HSPA4L: variants seen among roughly 807,000 people sequenced by gnomAD.
The protein encoded by HSPA4L is heat shock 70 kDa protein 4L.
Under a neutral mutation model 100.3 loss-of-function variants are expected in HSPA4L, and 48 were observed. The ratio of observed to expected loss-of-function variants is 0.48; its 90% CI spans 0.38 to 0.61. The LOEUF (loss-of-function observed/expected upper bound fraction) is 0.61. Ranked by LOEUF, HSPA4L falls within the 20% of genes least tolerant of loss-of-function variation. The probability of loss-of-function intolerance (pLI) is 0.00; values close to 1 mark genes in which losing one functional copy is unlikely to be tolerated. For synonymous variants in HSPA4L, 319 were observed against 328.2 expected, an observed-to-expected ratio of 0.97 and a Z score of 0.30; for missense variants, 886 against 988.6, an observed-to-expected ratio of 0.90 and a Z score of 1.39.
intron 16 of HSPA4L, among the ~76,000 whole-genome samples, chr4:127,827,010 TC>T (rs529414073): frequency 4.9e-4 from 74 of 152,290 alleles, no homozygotes; most frequent in African/African-American, 1.6e-3. Flanking sequence ...TTTTAATAGT[TC>T]TATAAAGTTT....
chr4:127,805,368 T>C (rs1351961836), intron 9 of HSPA4L, 144 bp downstream of exon 9: 1 of 628,090 alleles, frequency 1.6e-6, no homozygotes. Flanking sequence ...ATAAGTCTTA[T>C]GTCTTTCCCA....
At chr4:127,825,926 C>CAAAAAAAA (rs78623521) in intron 16 of HSPA4L, among the ~76,000 whole-genome samples, 3 of 57,190 alleles carry the variant, frequency 5.2e-5, no homozygotes, top group African/African-American at 7.1e-5. Context: ...AACTCCATCT[C>CAAAAAAAA]AAAAAAAAAA....
Position 127,840,541 on chromosome 4 carries a change from G to T in HSPA4L, c.*7667G>T, listed in dbSNP as rs1482668859. Reference sequence around the variant, plus strand: ...TAGGAATATGTATTTGTCAATTTTAGTTCACAAACATATCCATAAGAATGT... The same window carrying T: ...TAGGAATATGTATTTGTCAATTTTATTTCACAAACATATCCATAAGAATGT... On this transcript the variant is annotated 3_prime_UTR_variant, in exon 19 of 19. Transcript: ENST00000296464. 6.6e-6 allele frequency: 1 copy of T among 152,152 alleles called. No homozygotes were observed. Among genetic ancestry groups the T allele is most frequent in the African/African-American group, 2.4e-5 (1 of 41,442 alleles). 9.4% of individuals were successfully genotyped at this position (152,152 alleles called of 1,614,324 possible).
At chr4:127,790,279 T>G (rs1017004531) in intron 1 of HSPA4L, among the ~76,000 whole-genome samples, 1 of 152,122 alleles carries the variant, frequency 6.6e-6, no homozygotes, top group Non-Finnish European at 1.5e-5. Context: ...TATTGAAAAA[T>G]TAGAAGTATT....
In HSPA4L at chr4:127,822,792, G is replaced by A; in HGVS notation, c.1836G>A (p.Lys612=). 1 of 1,613,760 alleles carries A rather than the reference G, an allele frequency of 6.2e-7. No homozygotes were observed. The highest frequency in any genetic ancestry group is 1.1e-5 in the South Asian group (1 of 91,068). ...ENEGKMIMQD[K]LEKERNDAKN... The stretch of plus-strand genomic sequence containing the variant: ...AGGGGAAGATGATCATGCAAGATAA[G>A]TTAGAGAAAGAAAGAAATGATGCTA... Residue 612 remains lysine (K), a synonymous_variant, in exon 15 of 19, where the codon AAG becomes AAA. Transcript: ENST00000296464.
At position 127,803,821 on chromosome 4, in the gene HSPA4L, T is replaced by C. The variant is rs769525106; in HGVS notation, c.856T>C (p.Leu286=). The C allele has an allele frequency of 1.1e-5, 17 of 1,613,812 alleles. No individual in the cohort carries two copies. Among genetic ancestry groups the C allele is most frequent in the Admixed American group, 3.3e-5 (2 of 59,974 alleles). The change falls in exon 7 of 19, where the codon TTG becomes CTG. Residue 286 remains leucine (L), a synonymous_variant. Transcript: ENST00000296464. The part of the protein sequence containing the change: ...LMSANASDLP[L]NIECFMNDLD... Reference sequence around the variant, plus strand: ...GAGTGCAAATGCATCAGATCTTCCATTGAACATTGAGTGTTTCATGAATGA... The same window carrying C: ...GAGTGCAAATGCATCAGATCTTCCACTGAACATTGAGTGTTTCATGAATGA...
chr4:127,818,242 C>A, intron 12 of HSPA4L, 83 bp from the exon 13 acceptor site: 1 of 874,996 alleles, frequency 1.1e-6, no homozygotes, highest in Non-Finnish European at 1.8e-6. Flanking sequence ...TCAAAACAGG[C>A]TTGAACTCTT....
At chr4:127,786,519 A>G (rs893220349) in intron 1 of HSPA4L, among the ~76,000 whole-genome samples, 8 of 152,214 alleles carry the variant, frequency 5.3e-5, no homozygotes, top group Admixed American at 1.3e-4. Context: ...AGGCTGGAGT[A>G]CAGTGGTACA....
intron 13 of HSPA4L, among the ~76,000 whole-genome samples, chr4:127,819,973 C>T (rs568981515): frequency 6.6e-6 from 1 of 152,080 alleles, no homozygotes; most frequent in South Asian, 2.1e-4. Context: ...TTTTCTTGGG[C>T]ATATACCTAG....
At chr4:127,813,997 T>C (rs1339722302) in intron 12 of HSPA4L, among the ~76,000 whole-genome samples, 1 of 152,288 alleles carries the variant, frequency 6.6e-6, no homozygotes, top group East Asian at 1.9e-4. Context: ...CTTTATATAA[T>C]ATTAGTGAAT....
intron 12 of HSPA4L, chr4:127,813,303 T>C (rs1189840409): frequency 6.0e-6 from 4 of 670,364 alleles, no homozygotes; most frequent in Non-Finnish European, 1.0e-5. Context: ...TTTTTGTTTT[T>C]ATTAATAATT....
In HSPA4L at chr4:127,807,708, G is replaced by A. The variant is rs138944587; in HGVS notation, c.1245-288G>A. Among the ~76,000 whole-genome samples, 990 of 152,082 alleles carry A rather than the reference G, an allele frequency of 6.5e-3. 9 individuals are homozygous for A. The highest frequency in any genetic ancestry group is 0.011 in the Admixed American group (166 of 15,274). On this transcript the variant is annotated intron_variant, in intron 10 of 18. Transcript: ENST00000296464. ...GGTAGGACTTGGCCCTCATATGTGA[G>A]GGAAAAAAACCATACACATTGGCCT...
chr4:127,821,348 A>G (rs1426520339), intron 14 of HSPA4L, among the ~76,000 whole-genome samples: 1 of 152,180 alleles, frequency 6.6e-6, no homozygotes, highest in Non-Finnish European at 1.5e-5. Flanking sequence ...TGTATATAAA[A>G]TGAGATTTTC....
At chr4:127,789,683 A>G (rs993314786) in intron 1 of HSPA4L, among the ~76,000 whole-genome samples, 1 of 152,030 alleles carries the variant, frequency 6.6e-6, no homozygotes, top group African/African-American at 2.4e-5. Flanking sequence ...TATTTTAGCC[A>G]TAAAATGACA....
At chr4:127,795,068 A>G (rs1732980203) in intron 2 of HSPA4L, among the ~76,000 whole-genome samples, 1 of 152,124 alleles carries the variant, frequency 6.6e-6, no homozygotes, top group East Asian at 1.9e-4. Flanking sequence ...ATCTGCAGCA[A>G]TGGAAGCAAC....
chr4:127,784,084 C>T (rs1401787138), intron 1 of HSPA4L, among the ~76,000 whole-genome samples: 8 of 152,200 alleles, frequency 5.3e-5, no homozygotes, highest in Non-Finnish European at 1.2e-4. Flanking sequence ...GAATTCGTCT[C>T]TACAAGGTTT....
chr4:127,814,844 C>T (rs1046017405), intron 12 of HSPA4L, among the ~76,000 whole-genome samples: 6 of 152,098 alleles, frequency 3.9e-5, no homozygotes, highest in African/African-American at 9.7e-5. Flanking sequence ...GGATTACAGG[C>T]GTGAGCCACC....
intron 13 of HSPA4L, among the ~76,000 whole-genome samples, chr4:127,819,717 C>T (rs1733759009): frequency 6.6e-6 from 1 of 152,110 alleles, no homozygotes; most frequent in Non-Finnish European, 1.5e-5. Context: ...CATATACGTA[C>T]AGTTATACAG....
Position 127,823,577 on chromosome 4 carries a change from G to A in HSPA4L, c.1999G>A (p.Glu667Lys). The change falls in exon 16 of 19, where the codon GAG becomes AAG. Residue 667 changes from glutamate to lysine, a missense_variant. Transcript: ENST00000296464. ...AGAAAATTGGCTTTATGAAGACGGA[G>A]AGGACCAACCTAAACAAGTTTATGT... Reference protein sequence around the residue: ...DTENWLYEDGEDQPKQVYVDK... With the variant: ...DTENWLYEDGKDQPKQVYVDK... 6.2e-7 allele frequency: 1 copy of A among 1,613,848 alleles called. No individual in the cohort carries two copies. The highest frequency in any genetic ancestry group is 8.5e-7 in the Non-Finnish European group (1 of 1,179,764).
Sources: gnomAD v4.1 joint callset for allele counts (sites outside exome capture counted in the v4.1 genomes callset) on GRCh38, gnomAD v4.1.1 for gene constraint, MANE v1.5 for transcripts, NCBI Gene and HGNC (gene_info 2026-07-23, HGNC 2026-07-21) for gene names.